The following MCUB variants were observed in gnomAD, a reference collection of about 807,000 sequenced individuals.
MCUB encodes mitochondrial calcium uniporter dominant negative subunit beta, also known as calcium uniporter regulatory subunit MCUb, mitochondrial.
Under a neutral mutation model 41.4 loss-of-function variants are expected in MCUB, and 46 were observed. That is an observed-to-expected ratio of 1.11 (90% CI 0.88 to 1.42). The LOEUF (loss-of-function observed/expected upper bound fraction) is 1.42, where lower values mean the gene tolerates loss of function less well. Among genes scored for constraint, MCUB ranks in the 40% most tolerant of loss-of-function variants. The pLI is 0.00. For missense variants in MCUB, 403 were observed against 404.9 expected (o/e 1.00, Z 0.04); for synonymous variants, 148 against 148.2 (o/e 1.00, Z 0.01).
chr4:109,645,274 C>T (rs1728809055), intron 1 of MCUB, among the ~76,000 whole-genome samples: 1 of 152,116 alleles, frequency 6.6e-6, no homozygotes, highest in Non-Finnish European at 1.5e-5. Flanking sequence ...ACTGAACTGT[C>T]ACTAAGGCCT....
intron 1 of MCUB, among the ~76,000 whole-genome samples, chr4:109,612,890 A>G (rs1267642777): frequency 6.6e-6 from 1 of 152,148 alleles, no homozygotes; most frequent in Non-Finnish European, 1.5e-5. Context: ...GCGGATCACA[A>G]GGTCAGGAGA....
At chr4:109,565,906 C>T (rs924871635) in intron 1 of MCUB, among the ~76,000 whole-genome samples, 6 of 150,310 alleles carry the variant, frequency 4.0e-5, no homozygotes, top group Non-Finnish European at 5.9e-5. Flanking sequence ...TGCTGTAACA[C>T]AGTTCACTGC....
intron 1 of MCUB, among the ~76,000 whole-genome samples, chr4:109,582,135 C>T (rs1404005438): frequency 6.6e-6 from 1 of 152,028 alleles, no homozygotes; most frequent in Admixed American, 6.6e-5. Context: ...CCCAAATGTC[C>T]ATCAATGATA....
At chr4:109,591,661 T>C (rs956294820) in intron 1 of MCUB, among the ~76,000 whole-genome samples, 2 of 152,132 alleles carry the variant, frequency 1.3e-5, no homozygotes, top group Non-Finnish European at 2.9e-5. Context: ...GAGAGAGAAT[T>C]TTTGAGTTGT....
At position 109,684,441 on chromosome 4, in the gene MCUB, A is replaced by G; in HGVS notation, c.613-2A>G. 1.9e-6 allele frequency: 3 copies of G among 1,602,492 alleles called. No individual in the cohort carries two copies. Among genetic ancestry groups the G allele is most frequent in the Non-Finnish European group, 2.6e-6 (3 of 1,174,582 alleles). Reference sequence around the variant, plus strand: ...AATTAACAGTTTTTCATTCCCCCTCAGGTGAAAGCTGGAATAGAAGCTCAT... The same window carrying G: ...AATTAACAGTTTTTCATTCCCCCTCGGGTGAAAGCTGGAATAGAAGCTCAT... On this transcript the variant is annotated splice_acceptor_variant, in intron 5 of 7. Transcript: ENST00000394650. LOFTEE classifies it high-confidence loss of function.
chr4:109,589,788 G>A (rs1727388001), intron 1 of MCUB, among the ~76,000 whole-genome samples: 1 of 152,200 alleles, frequency 6.6e-6, no homozygotes, highest in Non-Finnish European at 1.5e-5. Context: ...GTGGCAGGTT[G>A]CCTGGCACAG....
chr4:109,610,617 A>T (rs1450456235), intron 1 of MCUB, among the ~76,000 whole-genome samples: 3 of 152,204 alleles, frequency 2.0e-5, no homozygotes, highest in Non-Finnish European at 4.4e-5. Flanking sequence ...TGTGAGATGT[A>T]CATAAAAAGA....
At chr4:109,584,006 A>G (rs943718029) in intron 1 of MCUB, among the ~76,000 whole-genome samples, 2 of 152,300 alleles carry the variant, frequency 1.3e-5, no homozygotes, top group South Asian at 4.1e-4. Flanking sequence ...ATTGATTGTA[A>G]TAGTTTCAGA....
chr4:109,656,376 TTTTTTTTTTTTTTTTTG>T (rs1187013799), intron 1 of MCUB, among the ~76,000 whole-genome samples: 4 of 106,338 alleles, frequency 3.8e-5, no homozygotes, highest in Non-Finnish European at 5.9e-5. Flanking sequence ...TTTTTTTTTT[TTTTTTTTTTTTTTTTTG>T]GAGACAGGGT....
At chr4:109,583,403 AT>A (rs2126127140) in intron 1 of MCUB, among the ~76,000 whole-genome samples, 1 of 152,258 alleles carries the variant, frequency 6.6e-6, no homozygotes, top group South Asian at 2.1e-4. Flanking sequence ...ATTTTTGCAC[AT>A]TCATTTTTGT....
At chr4:109,641,667 T>G (rs183029957) in intron 1 of MCUB, among the ~76,000 whole-genome samples, 2 of 152,354 alleles carry the variant, frequency 1.3e-5, no homozygotes, top group East Asian at 3.9e-4. Flanking sequence ...GCAGTATTTG[T>G]GAAATGTGAT....
intron 4 of MCUB, among the ~76,000 whole-genome samples, chr4:109,679,034 C>T (rs1017993350): frequency 1.3e-5 from 2 of 151,262 alleles, no homozygotes; most frequent in African/African-American, 4.9e-5. Flanking sequence ...GGCAGAGGCG[C>T]TCCTCTCTTC....
chr4:109,659,716 G>T (rs1047658797), intron 2 of MCUB, among the ~76,000 whole-genome samples: 1 of 152,196 alleles, frequency 6.6e-6, no homozygotes, highest in Non-Finnish European at 1.5e-5. Context: ...GAGTGCAGTG[G>T]CACGATCTCG....
chr4:109,682,270 CTCAATTGCCTTCAGCTGAAAATAA>C (rs2126152065), intron 4 of MCUB, among the ~76,000 whole-genome samples: 1 of 151,540 alleles, frequency 6.6e-6, no homozygotes, highest in East Asian at 1.9e-4. Context: ...GCTGCTTATG[CTCAATTGCCTTCAGCTGAAAATAA>C]TCCTTATGCC....
intron 1 of MCUB, among the ~76,000 whole-genome samples, chr4:109,610,624 A>T (rs1346370067): frequency 6.6e-6 from 1 of 152,204 alleles, no homozygotes; most frequent in Non-Finnish European, 1.5e-5. Context: ...TGTACATAAA[A>T]AGATAACAGT....
rs761571574 is a variant in MCUB at position 109,687,612 on chromosome 4, G to C, written c.*20G>C. The C allele has an allele frequency of 6.5e-7, 1 of 1,531,594 alleles. No homozygotes were observed. Among genetic ancestry groups the C allele is most frequent in the Admixed American group, 1.7e-5 (1 of 58,222 alleles). 94.9% of individuals were successfully genotyped at this position (1,531,594 alleles called of 1,614,324 possible). On this transcript the variant is annotated 3_prime_UTR_variant, in exon 8 of 8. Transcript: ENST00000394650. ...AATTAATCTTACAGTTTTAAATGTCGTCAGATTTTCCATTATGTATTGATT... is the reference window on the plus strand; with the variant it reads ...AATTAATCTTACAGTTTTAAATGTCCTCAGATTTTCCATTATGTATTGATT...
chr4:109,675,276 C>T (rs2126149206), intron 4 of MCUB, among the ~76,000 whole-genome samples: 1 of 152,302 alleles, frequency 6.6e-6, no homozygotes, highest in East Asian at 1.9e-4. Flanking sequence ...ACATTTCGTG[C>T]CACTTGACAA....
At chr4:109,612,922 C>G (rs112235511) in intron 1 of MCUB, among the ~76,000 whole-genome samples, 16 of 152,120 alleles carry the variant, frequency 1.1e-4, no homozygotes, top group Middle Eastern at 3.4e-3. Context: ...CTGGCTAACA[C>G]GGTGAAATCC....
intron 1 of MCUB, among the ~76,000 whole-genome samples, chr4:109,562,609 T>C (rs538510696): frequency 9.5e-4 from 144 of 152,348 alleles, no homozygotes; most frequent in African/African-American, 3.0e-3. Flanking sequence ...TATTTATTTT[T>C]TTTCCCAGAA....
Sources: gnomAD v4.1 joint callset for allele counts (sites outside exome capture counted in the v4.1 genomes callset) on GRCh38, gnomAD v4.1.1 for gene constraint, MANE v1.5 for transcripts, NCBI Gene and HGNC (gene_info 2026-07-23, HGNC 2026-07-21) for gene names.